The following ARID1B variants were observed in gnomAD, a reference collection of about 807,000 sequenced individuals.
ARID1B encodes the protein AT-rich interaction domain 1B.
ARID1B carries 30 observed loss-of-function variants against 212.3 expected under a neutral mutation model. The observed-to-expected ratio is 0.14, with a 90% CI of 0.11 to 0.19. ARID1B has a LOEUF of 0.19. Ranked by LOEUF, ARID1B falls within the 10% of genes least tolerant of loss-of-function variation. ARID1B has a pLI of 1.00. For synonymous variants in ARID1B, 1,402 were observed against 1,301.7 expected, an observed-to-expected ratio of 1.08 and a Z score of -1.66; for missense variants, 2,891 against 3,204.0, an observed-to-expected ratio of 0.90 and a Z score of 2.36.
chr6:157,201,208 G>T lies in ARID1B; in HGVS notation c.4983G>T (p.Pro1661=). The T allele has an allele frequency of 6.2e-7, 1 of 1,613,832 alleles. No individual in the cohort carries two copies. Among genetic ancestry groups the T allele is most frequent in the Non-Finnish European group, 8.5e-7 (1 of 1,179,830 alleles). The part of the protein sequence containing the change: ...SMQPITRPPQ[P]SYQTPPSLPN... ...AGCCCATCACACGCCCACCACAGCC[G>T]TCCTACCAGACGCCACCGTCACTGC... Residue 1661 remains proline, a synonymous_variant, in exon 18 of 20, where the codon CCG becomes CCT. Coordinates refer to ENST00000636930, the MANE Select transcript of ARID1B (RefSeq NM_001374828.1). This position sits in a 1 kb window ranked among gnomAD's most constrained non-coding sequence, Gnocchi z 5.2.
rs376101192 is a variant in ARID1B, at chr6:157,110,573, G to T, written c.2581+12G>T. The T allele has an allele frequency of 1.9e-5, 31 of 1,613,336 alleles. No individual in the cohort carries two copies. Among genetic ancestry groups the T allele is most frequent in the Non-Finnish European group, 2.4e-5 (28 of 1,179,384 alleles). ...GCCACAGGAAAGAGGTTCGTCTCCA[G>T]TTCATGTCTTACATGCCTATAGTGC... On this transcript the variant is annotated intron_variant, in intron 6 of 19. Coordinates refer to ENST00000636930, the MANE Select transcript of ARID1B (RefSeq NM_001374828.1).
rs2128366818 is a variant in ARID1B, at chr6:157,198,917, C to A, written c.4479+10C>A. On this transcript the variant is annotated intron_variant, in intron 17 of 19. Transcript: ENST00000636930. ...GTACCCACAGCAGCCGGTGAGTTGG[C>A]AAGTGGGCGTGGGGTGCTGTGTTTT... 6.3e-7 allele frequency: 1 copy of A among 1,589,894 alleles called. No individual in the cohort carries two copies. Among genetic ancestry groups the A allele is most frequent in the Non-Finnish European group, 8.6e-7 (1 of 1,165,164 alleles).
chr6:156,912,939 C>G (rs1790014183), intron 3 of ARID1B, among the ~76,000 whole-genome samples: 1 of 152,120 alleles, frequency 6.6e-6, no homozygotes, highest in Non-Finnish European at 1.5e-5. Context: ...TCTTGTATTC[C>G]CCATTTGCTG....
At position 157,142,631 on chromosome 6, in the gene ARID1B, CA is replaced by C. The variant is rs551263537; in HGVS notation, c.2762-5991del. 2.7e-3 allele frequency among the ~76,000 whole-genome samples: 404 copies of C among 152,130 alleles called. 1 individual carries two copies. Among genetic ancestry groups the C allele is most frequent in the African/African-American group, 8.9e-3 (370 of 41,500 alleles). On this transcript the variant is annotated intron_variant, in intron 7 of 19. Transcript: ENST00000636930. ...ACAGAGCAAGACTCTGTCTCAAAAA[CA>C]ACAACAATAACAAAAACAACAACAA...
chr6:157,042,889 G>T (rs966149495), intron 4 of ARID1B, among the ~76,000 whole-genome samples: 14 of 152,148 alleles, frequency 9.2e-5, no homozygotes, highest in Middle Eastern at 3.4e-3. Flanking sequence ...TCAAACTCCT[G>T]ACCTCAAGTG....
At chr6:156,896,730 T>G (rs915765279) in intron 2 of ARID1B, among the ~76,000 whole-genome samples, 2 of 151,748 alleles carry the variant, frequency 1.3e-5, no homozygotes, top group Non-Finnish European at 2.9e-5. Flanking sequence ...AATACAAAAA[T>G]TAGCCTGGCG....
intron 5 of ARID1B, among the ~76,000 whole-genome samples, chr6:157,106,529 A>G (rs1411789550): frequency 6.6e-6 from 1 of 152,220 alleles, no homozygotes; most frequent in Non-Finnish European, 1.5e-5. Context: ...ATTTCCTAGA[A>G]GGCCTGAACC....
intron 4 of ARID1B, among the ~76,000 whole-genome samples, chr6:156,966,280 A>AT (rs1178972121): frequency 1.3e-5 from 2 of 151,876 alleles, no homozygotes; most frequent in Admixed American, 6.6e-5. Context: ...CATACTTTAA[A>AT]TTTTTGTTTA....
chr6:156,993,372 T>C (rs1446835045), intron 4 of ARID1B, among the ~76,000 whole-genome samples: 2 of 152,230 alleles, frequency 1.3e-5, no homozygotes, highest in East Asian at 3.8e-4. Context: ...TACATTCTTA[T>C]TGTAACGAAG....
intron 3 of ARID1B, among the ~76,000 whole-genome samples, chr6:156,907,863 G>A (rs1438602320): frequency 2.0e-5 from 3 of 149,050 alleles, no homozygotes; most frequent in African/African-American, 5.0e-5. Flanking sequence ...AGTCGAGGTC[G>A]CGCCACTGCA....
At chr6:157,078,083 AG>A (rs1784419198) in intron 4 of ARID1B, among the ~76,000 whole-genome samples, 1 of 152,200 alleles carries the variant, frequency 6.6e-6, no homozygotes, top group Admixed American at 6.5e-5. Context: ...ACTTGTGGGT[AG>A]GAAGAGTCTT....
At chr6:157,125,438 T>C (rs1198489339) in intron 6 of ARID1B, among the ~76,000 whole-genome samples, 1 of 152,218 alleles carries the variant, frequency 6.6e-6, no homozygotes, top group Non-Finnish European at 1.5e-5. Context: ...GTACCTCAAG[T>C]GACCTCTAGA....
intron 4 of ARID1B, among the ~76,000 whole-genome samples, chr6:157,039,322 CTTTTTTT>C (rs1003131791): frequency 9.7e-6 from 1 of 102,976 alleles, no homozygotes; most frequent in African/African-American, 4.1e-5. Flanking sequence ...TTTGACATTT[CTTTTTTT>C]TTTTTTTTTT....
Position 156,954,952 on chromosome 6 carries a change from G to A in ARID1B, c.2247+19376G>A, listed in dbSNP as rs9480415. On this transcript the variant is annotated intron_variant, in intron 4 of 19. Transcript: ENST00000636930. The stretch of plus-strand genomic sequence containing the variant: ...GGCTCCAAAGGCATGGCTGGCGGAG[G>A]CCACCTGGCCCGCTTTGTGTTGGAC... Among the ~76,000 whole-genome samples, 430 of 152,392 alleles carry A rather than the reference G, an allele frequency of 2.8e-3. 3 individuals carry two copies. Among genetic ancestry groups the A allele is most frequent in the Non-Finnish European group, 5.1e-3 (350 of 68,042 alleles).
intron 9 of ARID1B, among the ~76,000 whole-genome samples, chr6:157,172,201 T>C (rs1361553964): frequency 6.6e-6 from 1 of 152,198 alleles, no homozygotes. Context: ...CTAATTCATA[T>C]CTCGTTAGAC....
intron 4 of ARID1B, chr6:156,940,138 A>G (rs1013431593): frequency 6.6e-6 from 1 of 152,166 alleles, no homozygotes; most frequent in East Asian, 1.9e-4. Flanking sequence ...TTTACCTAAG[A>G]TATAGAATAC....
chr6:157,203,991 T>C lies in ARID1B; in HGVS notation c.5389T>C (p.Ser1797Pro), dbSNP rs1376954196. ...CAGCACTGTTGCTACTTTCAATCTC[T>C]CCCAGGTAAGCCAGCATAGTCCAAC... is the stretch of plus-strand genomic sequence containing the variant. ...DDSTVATFNL[S>P]QLSGFLELLV... The change falls in exon 19 of 20, where the codon TCC becomes CCC. Residue 1797 changes from serine (S) to proline (P), a missense_variant. Around this residue, in one of 7 missense-constraint regions of ARID1B, gnomAD observed 332 missense variants for 369.2 expected, o/e 0.90. Coordinates refer to ENST00000636930, the MANE Select transcript of ARID1B (RefSeq NM_001374828.1). This position sits in a 1 kb window ranked among gnomAD's most constrained non-coding sequence, Gnocchi z 4.4. The C allele has an allele frequency of 1.9e-6, 3 of 1,614,048 alleles. No individual in the cohort carries two copies. The highest frequency in any genetic ancestry group is 2.5e-6 in the Non-Finnish European group (3 of 1,179,926).
chr6:156,939,084 C>T (rs754479939), intron 4 of ARID1B: 6 of 152,208 alleles, frequency 3.9e-5, no homozygotes, highest in Non-Finnish European at 8.8e-5. Flanking sequence ...CTTAGTCGTA[C>T]AGCATTTCCC....
Position 156,777,938 on chromosome 6 carries a change from T to C in ARID1B, c.258T>C (p.His86=). The C allele has an allele frequency of 6.6e-7, 1 of 1,524,488 alleles. No individual in the cohort carries two copies. Among genetic ancestry groups the C allele is most frequent in the Non-Finnish European group, 8.7e-7 (1 of 1,143,100 alleles). The allele number at this position is 1,524,488 out of a possible 1,614,324, so 94.4% of individuals were successfully genotyped here. Residue 86 remains histidine, a synonymous_variant, in exon 1 of 20, where the codon CAT becomes CAC. Transcript: ENST00000636930. ...LLPRHELNMA[H]NAGAAAAAGT... ...CCCGTCACGAACTCAACATGGCCCA[T>C]AACGCGGGCGCCGCGGCCGCCGCCG...
Sources: gnomAD v4.1 joint callset for allele counts (sites outside exome capture counted in the v4.1 genomes callset) on GRCh38, gnomAD v4.1.1 for gene constraint, gnomAD v4.1.1 regional missense constraint, Gnocchi (gnomAD v3.1) non-coding constraint, MANE v1.5 for transcripts, NCBI Gene and HGNC (gene_info 2026-07-23, HGNC 2026-07-21) for gene names.